Variants in DMD observed in about 807,000 individuals in gnomAD.
DMD encodes the protein dystrophin.
A neutral mutation model predicts 330.1 loss-of-function variants in DMD; 63 were observed. That is an observed-to-expected ratio of 0.19 (90% CI 0.16 to 0.24). The LOEUF (loss-of-function observed/expected upper bound fraction) is 0.24. Ranked by LOEUF, DMD falls within the 10% of genes least tolerant of loss-of-function variation. The pLI is 1.00. For synonymous variants in DMD, 1,223 were observed against 959.8 expected, an observed-to-expected ratio of 1.27 and a Z score of -5.07; for missense variants, 3,344 against 2,684.1, an observed-to-expected ratio of 1.25 and a Z score of -5.43.
chrX:31,173,375 A>G (rs1330112593), intron 72 of DMD, among the ~76,000 whole-genome samples, 164 bp downstream of exon 72: 3 of 112,148 alleles, frequency 2.7e-5, no homozygotes, highest in Non-Finnish European at 5.7e-5. Flanking sequence ...GTGACCAAAA[A>G]CAACATGCAG....
At chrX:31,710,675 T>C (rs2084558822) in intron 52 of DMD, among the ~76,000 whole-genome samples, 1 of 111,622 alleles carries the variant, frequency 9.0e-6, no homozygotes, top group Non-Finnish European at 1.9e-5. Flanking sequence ...TGAATTATTA[T>C]TTCTTCTTTC....
chrX:32,481,186 A>T (rs893577395), intron 21 of DMD, among the ~76,000 whole-genome samples: 2 of 110,514 alleles, frequency 1.8e-5, no homozygotes, highest in East Asian at 5.7e-4. Flanking sequence ...TGTAAGAGGT[A>T]AAAGTTATTT....
intron 2 of DMD, among the ~76,000 whole-genome samples, chrX:32,860,732 T>C (rs1375159056): frequency 9.0e-6 from 1 of 110,893 alleles, no homozygotes; most frequent in Non-Finnish European, 1.9e-5. Flanking sequence ...ATTACCAGCA[T>C]CGAGATTTAA....
In DMD at chrX:31,548,787, T is replaced by C. The variant is rs1220587779; in HGVS notation, c.8218-41334A>G. 2.7e-5 allele frequency among the ~76,000 whole-genome samples: 3 copies of C among 110,915 alleles called. No homozygotes were observed. In the East Asian group the frequency reaches 8.4e-4, roughly 31 times the overall value. Reference sequence around the variant, plus strand: ...GTTACTTCAGCTTTTTTTAAATGAGTAAACTAGAAAATCATTTTTTTTCAA... The same window carrying C: ...GTTACTTCAGCTTTTTTTAAATGAGCAAACTAGAAAATCATTTTTTTTCAA... On this transcript the variant is annotated intron_variant, in intron 55 of 78. Transcript: ENST00000357033.
intron 1 of DMD, among the ~76,000 whole-genome samples, chrX:33,068,783 C>G (rs909469600): frequency 1.8e-5 from 2 of 112,289 alleles, no homozygotes; most frequent in African/African-American, 6.5e-5. Flanking sequence ...GAAAATAACT[C>G]AAATATGGTT....
rs188082533 is a variant in DMD, at chrX:32,357,141, G to A, written c.5325+5647C>T. Among the ~76,000 whole-genome samples the A allele has an allele frequency of 4.5e-3, 506 of 111,764 alleles. 2 individuals carry two copies. Among genetic ancestry groups the A allele is most frequent in the African/African-American group, 0.016 (478 of 30,691 alleles). On this transcript the variant is annotated intron_variant, in intron 37 of 78. Transcript: ENST00000357033. Reference sequence around the variant, plus strand: ...TGACGTCAGGTGATCTGCCTGCAGCGGCCTCCCAAAGTGTTGGGATTACAG... The same window carrying A: ...TGACGTCAGGTGATCTGCCTGCAGCAGCCTCCCAAAGTGTTGGGATTACAG...
chrX:32,919,971 C>G (rs985364474), intron 2 of DMD, among the ~76,000 whole-genome samples: 1 of 111,200 alleles, frequency 9.0e-6, no homozygotes, highest in Admixed American at 9.6e-5. Flanking sequence ...TGATCAATAG[C>G]CGAAAGATTA....
At chrX:31,140,701 C>T (rs1196936480) in intron 76 of DMD, among the ~76,000 whole-genome samples, 1 of 112,202 alleles carries the variant, frequency 8.9e-6, no homozygotes, top group Non-Finnish European at 1.9e-5. Flanking sequence ...ATTTCCTAAA[C>T]GTGTGGGCTG....
chrX:31,324,832 CTG>C (rs2148308316), intron 61 of DMD, among the ~76,000 whole-genome samples: 1 of 111,994 alleles, frequency 8.9e-6, no homozygotes, highest in South Asian at 3.7e-4. Flanking sequence ...CTCGACTACA[CTG>C]TATAATATGA....
chrX:31,323,504 AGGCT>A, intron 62 of DMD, 90 bp downstream of exon 62: 1 of 739,277 alleles, frequency 1.4e-6, no homozygotes, highest in East Asian at 3.4e-5. Flanking sequence ...ATTGTAGGCC[AGGCT>A]AATGTCGCAT....
At chrX:31,365,244 G>T (rs1982283631) in intron 60 of DMD, among the ~76,000 whole-genome samples, 1 of 110,837 alleles carries the variant, frequency 9.0e-6, no homozygotes, top group Admixed American at 9.7e-5. Context: ...CTAATATTAG[G>T]AAAAGAGAAC....
rs72468678 is a variant in DMD, at chrX:32,491,244, T to C, written c.2622+33A>G. 2.5e-3 allele frequency: 2,979 copies of C among 1,206,952 alleles called. 76 individuals carry two copies. The Admixed American group carries it at 0.059, about 24-fold the overall frequency. ...AAATTGCCAAGAAATACCTATTGAT[T>C]ATGCTCCAAATGGAAGGAGAAGAGA... On this transcript the variant is annotated intron_variant, in intron 20 of 78. Coordinates refer to ENST00000357033, the MANE Select transcript of DMD (RefSeq NM_004006.3).
Position 32,445,470 on chromosome X carries a change from G to A in DMD, c.3786+2986C>T, listed in dbSNP as rs977495968. Among the ~76,000 whole-genome samples the A allele has an allele frequency of 7.2e-5, 8 of 110,921 alleles. No homozygotes were observed. In the East Asian group the frequency reaches 8.5e-4, roughly 12 times the overall value. ...TGAGACCATTTATTCTCACTCCTGC[G>A]TCTGTATAAATTGCTGAAGCAACAG... On this transcript the variant is annotated intron_variant, in intron 27 of 78. Transcript: ENST00000357033.
intron 3 of DMD, among the ~76,000 whole-genome samples, chrX:32,845,154 A>T (rs1356035081): frequency 1.8e-5 from 2 of 112,108 alleles, no homozygotes; most frequent in Admixed American, 9.5e-5. Flanking sequence ...ACCACCAATG[A>T]CAGAAACATC....
chrX:31,829,577 GA>G (rs1200682851), intron 49 of DMD, among the ~76,000 whole-genome samples: 2 of 110,772 alleles, frequency 1.8e-5, no homozygotes, highest in Non-Finnish European at 3.8e-5. Flanking sequence ...TTAAGACAAG[GA>G]AAAAAGCCTT....
chrX:32,322,213 C>G (rs2097620293), intron 41 of DMD, among the ~76,000 whole-genome samples: 1 of 110,953 alleles, frequency 9.0e-6, no homozygotes, highest in Non-Finnish European at 1.9e-5. Flanking sequence ...GAAAATTTTC[C>G]AGAGCTAAAG....
At chrX:31,740,654 TA>T (rs750138994) in intron 51 of DMD, among the ~76,000 whole-genome samples, 3 of 111,529 alleles carry the variant, frequency 2.7e-5, no homozygotes, top group South Asian at 3.7e-4. Flanking sequence ...ACATTACTCC[TA>T]AAAAAAATGG....
At chrX:32,713,929 C>A (rs2065427865) in intron 7 of DMD, among the ~76,000 whole-genome samples, 1 of 111,891 alleles carries the variant, frequency 8.9e-6, no homozygotes, top group African/African-American at 3.3e-5. Flanking sequence ...CATGCAAGAA[C>A]ACTTACATTA....
At chrX:32,737,852 A>C (rs1179243787) in intron 7 of DMD, among the ~76,000 whole-genome samples, 7 of 111,811 alleles carry the variant, frequency 6.3e-5, no homozygotes, top group Non-Finnish European at 1.3e-4. Context: ...TACTACTCAC[A>C]AACTCATTAT....
Sources: allele counts gnomAD v4.1 joint callset (sites outside exome capture counted in the v4.1 genomes callset), GRCh38; gene constraint gnomAD v4.1.1; transcripts MANE v1.5; gene names NCBI Gene and HGNC (gene_info 2026-07-23, HGNC 2026-07-21).